Variants in INPP4B observed in about 807,000 individuals in gnomAD.
The protein encoded by INPP4B is inositol polyphosphate-4-phosphatase type II B.
A neutral mutation model predicts 122.5 loss-of-function variants in INPP4B; 55 were observed. The ratio of observed to expected loss-of-function variants is 0.45; its 90% CI spans 0.36 to 0.56. The LOEUF (loss-of-function observed/expected upper bound fraction) is 0.56. INPP4B is among the 20% of genes least tolerant of loss of function. INPP4B has a pLI of 0.00. For synonymous variants in INPP4B, 403 were observed against 388.7 expected (o/e 1.04, Z -0.43); for missense variants, 1,000 against 1,097.7 (o/e 0.91, Z 1.26).
In INPP4B at chr4:142,775,084, T is replaced by G. The variant is rs1416232042; in HGVS notation, c.-253-49183A>C. Among the ~76,000 whole-genome samples, 3 of 152,088 alleles carry G rather than the reference T, an allele frequency of 2.0e-5. No homozygotes were observed. The East Asian group carries it at 5.8e-4, about 29-fold the overall frequency. On this transcript the variant is annotated intron_variant, in intron 1 of 25. Coordinates refer to ENST00000262992, the MANE Select transcript of INPP4B (RefSeq NM_001101669.3). ...TCTGATGATTTTCTTATAATTAAAC[T>G]GGGGTTATAGGCTTATGGAAGTAAA... is the stretch of plus-strand genomic sequence containing the variant.
chr4:142,132,318 A>T lies in INPP4B; in HGVS notation c.1721-7558T>A, dbSNP rs549177487. ...GAGGCAATGCATCATAGACTCTAAGAGGGCAGGCTCTGGAGCCAGACCACC... is the reference window on the plus strand; with the variant it reads ...GAGGCAATGCATCATAGACTCTAAGTGGGCAGGCTCTGGAGCCAGACCACC... On this transcript the variant is annotated intron_variant, in intron 18 of 25. Coordinates refer to ENST00000262992, the MANE Select transcript of INPP4B (RefSeq NM_001101669.3). 9.2e-5 allele frequency among the ~76,000 whole-genome samples: 14 copies of T among 152,162 alleles called. No individual in the cohort carries two copies. In the South Asian group the frequency reaches 2.9e-3, roughly 32 times the overall value.
intron 7 of INPP4B, among the ~76,000 whole-genome samples, chr4:142,391,155 A>G (rs186819542): frequency 3.9e-4 from 59 of 152,362 alleles, no homozygotes; most frequent in African/African-American, 1.3e-3. Context: ...TACAATTTGA[A>G]TAAATTCCAT....
intron 25 of INPP4B, among the ~76,000 whole-genome samples, chr4:142,079,219 C>G (rs961163284): frequency 1.3e-5 from 2 of 151,990 alleles, no homozygotes; most frequent in African/African-American, 4.8e-5. Context: ...GTGCTGAAGT[C>G]TGGGCTTTCA....
chr4:142,136,750 T>C (rs1472251770), intron 18 of INPP4B, among the ~76,000 whole-genome samples: 3 of 152,212 alleles, frequency 2.0e-5, no homozygotes, highest in African/African-American at 7.2e-5. Flanking sequence ...TAGGACCTTG[T>C]AAAAGAGGGA....
At chr4:142,703,807 G>A (rs1052491751) in intron 2 of INPP4B, among the ~76,000 whole-genome samples, 1 of 152,192 alleles carries the variant, frequency 6.6e-6, no homozygotes, top group Non-Finnish European at 1.5e-5. Context: ...GGTAAAGGGG[G>A]CTAACTCAGG....
At chr4:142,758,705 C>T (rs374760847) in intron 1 of INPP4B, among the ~76,000 whole-genome samples, 2 of 152,224 alleles carry the variant, frequency 1.3e-5, no homozygotes, top group East Asian at 1.9e-4. Flanking sequence ...GTAAGCTCAG[C>T]GCTTTGGGAG....
intron 7 of INPP4B, among the ~76,000 whole-genome samples, chr4:142,336,457 T>C (rs1288671686): frequency 6.6e-6 from 1 of 152,190 alleles, no homozygotes; most frequent in African/African-American, 2.4e-5. Flanking sequence ...AAGCCACGGG[T>C]GGCGGGACCA....
chr4:142,538,199 T>C (rs892818413), intron 2 of INPP4B, among the ~76,000 whole-genome samples: 1 of 152,132 alleles, frequency 6.6e-6, no homozygotes, highest in African/African-American at 2.4e-5. Context: ...TCCTTCTTTG[T>C]AAGCATTATT....
At chr4:142,114,026 T>A (rs1322838667) in intron 21 of INPP4B, among the ~76,000 whole-genome samples, 1 of 152,060 alleles carries the variant, frequency 6.6e-6, no homozygotes, top group African/African-American at 2.4e-5. Flanking sequence ...GAATGAATTT[T>A]ATTTTTCTGC....
At chr4:142,634,937 T>C (rs1748766443) in intron 2 of INPP4B, among the ~76,000 whole-genome samples, 1 of 151,992 alleles carries the variant, frequency 6.6e-6, no homozygotes. Flanking sequence ...TGCATGAAAA[T>C]TAATAAGTTA....
intron 7 of INPP4B, among the ~76,000 whole-genome samples, chr4:142,319,185 T>C (rs550386652): frequency 1.3e-5 from 2 of 152,240 alleles, no homozygotes; most frequent in South Asian, 2.1e-4. Flanking sequence ...CATCTGCTCA[T>C]TGGTAGGTGA....
chr4:142,653,070 C>T (rs1287091717), intron 2 of INPP4B, among the ~76,000 whole-genome samples: 6 of 152,156 alleles, frequency 3.9e-5, no homozygotes, highest in Non-Finnish European at 8.8e-5. Context: ...AATAACACCA[C>T]ACATCTACAA....
At chr4:142,739,926 T>C (rs751619541) in intron 1 of INPP4B, among the ~76,000 whole-genome samples, 6 of 152,032 alleles carry the variant, frequency 3.9e-5, no homozygotes, top group African/African-American at 1.4e-4. Flanking sequence ...AAAAGAGACA[T>C]GAAGAACAAT....
chr4:142,694,070 A>C (rs1484421595), intron 2 of INPP4B, among the ~76,000 whole-genome samples: 1 of 152,092 alleles, frequency 6.6e-6, no homozygotes, highest in Non-Finnish European at 1.5e-5. Flanking sequence ...TTTTATTAAA[A>C]ATTTTTTAAA....
At position 142,082,185 on chromosome 4, in the gene INPP4B, T is replaced by G. The variant is rs1456516778; in HGVS notation, c.2488A>C (p.Ile830Leu). 6.7e-7 allele frequency: 1 copy of G among 1,503,746 alleles called. No individual in the cohort carries two copies. Among genetic ancestry groups the G allele is most frequent in the East Asian group, 2.3e-5 (1 of 43,650 alleles). The allele number at this position is 1,503,746 out of a possible 1,614,324, so 93.2% of individuals were successfully genotyped here. ...CGAATACCATTCAGTTTGCGGCAAA[T>G]CTGTAACATATGTAAGAACGAACGT... is the stretch of plus-strand genomic sequence containing the variant. ...NVEIMWLAATICRKLNGIRFT... is the reference protein window; with the variant it reads ...NVEIMWLAATLCRKLNGIRFT... Residue 830 changes from isoleucine (I) to leucine (L), a missense_variant and splice_region_variant, in exon 25 of 26, where the codon ATT (isoleucine) becomes CTT (leucine). By Grantham distance (5) the Ile-to-Leu change is conservative. Transcript: ENST00000262992.
chr4:142,843,089 CT>C (rs1406039481), intron 1 of INPP4B, among the ~76,000 whole-genome samples: 38 of 150,524 alleles, frequency 2.5e-4, no homozygotes, highest in Non-Finnish European at 5.9e-5. Context: ...GTGCCTGAGA[CT>C]GAAAGAGTAA....
At chr4:142,096,308 T>A (rs1295568686) in intron 23 of INPP4B, 1 of 152,170 alleles carries the variant, frequency 6.6e-6, no homozygotes, top group East Asian at 1.9e-4. Context: ...TACCTACACA[T>A]ACTACAACAG....
intron 22 of INPP4B, among the ~76,000 whole-genome samples, chr4:142,111,239 A>G (rs1030910371): frequency 1.3e-4 from 20 of 152,134 alleles, no homozygotes; most frequent in African/African-American, 4.6e-4. Flanking sequence ...ACCAAAGACT[A>G]TCAAACTCCC....
At chr4:142,445,512 C>T (rs1812715398) in intron 3 of INPP4B, among the ~76,000 whole-genome samples, 1 of 152,090 alleles carries the variant, frequency 6.6e-6, no homozygotes, top group African/African-American at 2.4e-5. Flanking sequence ...ATCAAGAAGA[C>T]ATTACGATCT....
Sources: gnomAD v4.1 joint callset for allele counts (sites outside exome capture counted in the v4.1 genomes callset) on GRCh38, gnomAD v4.1.1 for gene constraint, MANE v1.5 for transcripts, NCBI Gene and HGNC (gene_info 2026-07-23, HGNC 2026-07-21) for gene names.